Variants in KLHL29 observed in about 807,000 individuals in gnomAD.
KLHL29 encodes kelch like family member 29, also known as kelch-like protein 29.
A neutral mutation model predicts 80.4 loss-of-function variants in KLHL29; 21 were observed. The observed-to-expected ratio is 0.26, with a 90% confidence interval of 0.19 to 0.38. The LOEUF is 0.38. Ranked by LOEUF, KLHL29 falls within the 10% of genes least tolerant of loss-of-function variation. KLHL29 has a pLI of 1.00. For synonymous variants in KLHL29, 511 were observed against 526.8 expected, an observed-to-expected ratio of 0.97 and a Z score of 0.41; for missense variants, 867 against 1,223.9, an observed-to-expected ratio of 0.71 and a Z score of 4.35.
At chr2:23,394,117 C>T (rs1666390523) in intron 1 of KLHL29, among the ~76,000 whole-genome samples, 1 of 152,242 alleles carries the variant, frequency 6.6e-6, no homozygotes, top group South Asian at 2.1e-4. Context: ...AACATCCCTG[C>T]TTTCCTTTTG....
intron 3 of KLHL29, among the ~76,000 whole-genome samples, chr2:23,604,285 C>T (rs1572432042): frequency 2.0e-5 from 3 of 149,338 alleles, no homozygotes; most frequent in East Asian, 2.0e-4. Flanking sequence ...TTAGTTGAGA[C>T]GGGGTTTCAC....
In KLHL29 at chr2:23,695,976, TGGG is replaced by T; in HGVS notation, c.1770_1772del (p.Gly591del). 1 of 1,551,526 alleles carries T rather than the reference TGGG, an allele frequency of 6.4e-7. No individual in the cohort carries two copies. ...GTGTGGCTGAGGTCATCGTCTTGGT[TGGG>T]GGCCGTCAGATGGTGGGGATGACCC... On this transcript the variant is annotated inframe_deletion, in exon 10 of 14. Coordinates refer to ENST00000486442, the MANE Select transcript of KLHL29 (RefSeq NM_052920.2). This position sits in a 1 kb window ranked among gnomAD's most constrained non-coding sequence, Gnocchi z 7.6.
At chr2:23,506,462 C>G (rs1488192499) in intron 2 of KLHL29, among the ~76,000 whole-genome samples, 1 of 152,200 alleles carries the variant, frequency 6.6e-6, no homozygotes, top group African/African-American at 2.4e-5. Context: ...TGATCCTTAT[C>G]CCCCAAGAGC....
chr2:23,585,149 A>G (rs1007359260), intron 3 of KLHL29, among the ~76,000 whole-genome samples: 6 of 152,250 alleles, frequency 3.9e-5, no homozygotes, highest in Admixed American at 6.5e-5. Flanking sequence ...CTGAATGAAC[A>G]GGCTCTGTCG....
At chr2:23,637,938 T>C (rs1286594847) in intron 3 of KLHL29, among the ~76,000 whole-genome samples, 1 of 151,918 alleles carries the variant, frequency 6.6e-6, no homozygotes, top group Non-Finnish European at 1.5e-5. Context: ...CTGGTTGGGG[T>C]CTGGCTGTGC....
intron 1 of KLHL29, among the ~76,000 whole-genome samples, chr2:23,400,900 G>A (rs1666584447): frequency 6.6e-6 from 1 of 152,212 alleles, no homozygotes; most frequent in Non-Finnish European, 1.5e-5. Flanking sequence ...ACACTAGCTG[G>A]CTACCTGGAC....
At chr2:23,675,534 G>A (rs529009154) in intron 5 of KLHL29, among the ~76,000 whole-genome samples, 27 of 152,278 alleles carry the variant, frequency 1.8e-4, no homozygotes, top group Middle Eastern at 3.4e-3. Context: ...CTTATGATCC[G>A]GGCAGCTGGG....
intron 2 of KLHL29, among the ~76,000 whole-genome samples, chr2:23,479,246 C>G (rs979714454): frequency 6.6e-6 from 1 of 151,768 alleles, no homozygotes; most frequent in African/African-American, 2.4e-5. Flanking sequence ...ACCACACCCA[C>G]TAGCTGGGGC....
chr2:23,656,174 T>C (rs1487970493), intron 5 of KLHL29, among the ~76,000 whole-genome samples: 1 of 152,234 alleles, frequency 6.6e-6, no homozygotes, highest in African/African-American at 2.4e-5. Flanking sequence ...CAGCGTCGAC[T>C]TCAGGGAACT....
intron 2 of KLHL29, among the ~76,000 whole-genome samples, chr2:23,541,511 C>G (rs893097807): frequency 6.6e-6 from 1 of 152,224 alleles, no homozygotes; most frequent in African/African-American, 2.4e-5. Flanking sequence ...CACTCACAGC[C>G]CCAGCACAGT....
At chr2:23,549,431 C>T (rs1055010501) in intron 2 of KLHL29, among the ~76,000 whole-genome samples, 2 of 151,920 alleles carry the variant, frequency 1.3e-5, no homozygotes, top group African/African-American at 2.4e-5. Context: ...CACACAACCT[C>T]GCAACAGGCT....
intron 5 of KLHL29, among the ~76,000 whole-genome samples, chr2:23,679,611 G>GAT (rs138101669): frequency 9.1e-5 from 13 of 142,338 alleles, no homozygotes; most frequent in African/African-American, 2.0e-4. Context: ...CATCACACCA[G>GAT]ATATATATAT....
At chr2:23,399,806 G>A (rs1051148108) in intron 1 of KLHL29, among the ~76,000 whole-genome samples, 1 of 152,148 alleles carries the variant, frequency 6.6e-6, no homozygotes, top group Non-Finnish European at 1.5e-5. Flanking sequence ...CGATGTTCTT[G>A]TAGACAGAAA....
At chr2:23,590,361 G>T (rs1668228688) in intron 3 of KLHL29, among the ~76,000 whole-genome samples, 1 of 152,196 alleles carries the variant, frequency 6.6e-6, no homozygotes, top group Non-Finnish European at 1.5e-5. Context: ...CCTTCTCCCT[G>T]CTGTTTGTTC....
At chr2:23,648,027 A>G (rs543830650) in intron 5 of KLHL29, among the ~76,000 whole-genome samples, 1 of 152,070 alleles carries the variant, frequency 6.6e-6, no homozygotes, top group South Asian at 2.1e-4. Flanking sequence ...CCTTCCCTTC[A>G]CATGAAAGCA....
At position 23,403,996 on chromosome 2, in the gene KLHL29, G is replaced by A. The variant is rs939224131; in HGVS notation, c.-154+18216G>A. 3.3e-5 allele frequency among the ~76,000 whole-genome samples: 5 copies of A among 152,104 alleles called. No individual in the cohort carries two copies. In the East Asian group the frequency reaches 5.8e-4, roughly 18 times the overall value. ...CTTTGACTGCCTACTTCTCTGCAGC[G>A]GTGGTTCCATGATAGTCTCCTTGGC... On this transcript the variant is annotated intron_variant, in intron 1 of 13. Coordinates refer to ENST00000486442, the MANE Select transcript of KLHL29 (RefSeq NM_052920.2).
chr2:23,664,022 G>T (rs1670489786), intron 5 of KLHL29, among the ~76,000 whole-genome samples: 1 of 152,146 alleles, frequency 6.6e-6, no homozygotes, highest in Admixed American at 6.5e-5. Flanking sequence ...GGGGCGCCTG[G>T]CACACTACAG....
At chr2:23,650,459 A>G (rs1670060157) in intron 5 of KLHL29, among the ~76,000 whole-genome samples, 8 of 152,166 alleles carry the variant, frequency 5.3e-5, no homozygotes, top group South Asian at 2.1e-4. Context: ...CTCTCTCTCA[A>G]TGCTTGGCAC....
intron 2 of KLHL29, among the ~76,000 whole-genome samples, chr2:23,496,943 A>G (rs921865761): frequency 4.6e-5 from 7 of 152,230 alleles, no homozygotes; most frequent in Non-Finnish European, 1.0e-4. Context: ...TGCAATTGTC[A>G]GAAATATCAT....
Sources: allele counts gnomAD v4.1 joint callset (sites outside exome capture counted in the v4.1 genomes callset), GRCh38; gene constraint gnomAD v4.1.1; non-coding constraint Gnocchi (gnomAD v3.1); transcripts MANE v1.5; gene names NCBI Gene and HGNC (gene_info 2026-07-23, HGNC 2026-07-21).